The following DLC1 variants were observed in gnomAD, a reference collection of about 807,000 sequenced individuals.
DLC1 encodes the protein DLC1 Rho GTPase activating protein, also known as rho GTPase-activating protein 7.
DLC1 carries 54 observed loss-of-function variants against 140.3 expected under a neutral mutation model. That is an observed-to-expected ratio of 0.38 (90% CI 0.31 to 0.48). DLC1 has a LOEUF of 0.48. Ranked by LOEUF, DLC1 falls within the 20% of genes least tolerant of loss-of-function variation. DLC1 has a pLI of 0.96. For synonymous variants in DLC1, 986 were observed against 728.1 expected (o/e 1.35, Z -5.70); for missense variants, 2,536 against 1,907.0 (o/e 1.33, Z -6.14).
chr8:13,472,613 C>T (rs977643043), intron 2 of DLC1, among the ~76,000 whole-genome samples: 2 of 152,150 alleles, frequency 1.3e-5, no homozygotes, highest in Non-Finnish European at 2.9e-5. Flanking sequence ...GTTCATGTTT[C>T]ATTGGGAAGA....
intron 5 of DLC1, among the ~76,000 whole-genome samples, chr8:13,248,934 A>G (rs952941334): frequency 1.3e-5 from 2 of 152,092 alleles, no homozygotes. Flanking sequence ...ATCATTACCA[A>G]TTGGAACTCC....
chr8:13,193,058 C>A lies in DLC1; in HGVS notation c.1349-77401G>T, dbSNP rs372191160. ...GTCTGTTCCCTTGTCCCAAACCATC[C>A]CCCTCCTCTCTGTTCCTATCCAATC... is the stretch of plus-strand genomic sequence containing the variant. On this transcript the variant is annotated intron_variant, in intron 5 of 17. Transcript: ENST00000276297. 2.2e-4 allele frequency among the ~76,000 whole-genome samples: 34 copies of A among 152,240 alleles called. 1 individual carries two copies. In the East Asian group the frequency reaches 4.6e-3, roughly 21 times the overall value.
chr8:13,405,824 T>G (rs1164697122), intron 2 of DLC1, among the ~76,000 whole-genome samples: 1 of 151,180 alleles, frequency 6.6e-6, no homozygotes, highest in Admixed American at 6.6e-5. Context: ...TTCCTTCCTT[T>G]CTTCCTTCCC....
At chr8:13,176,847 C>T (rs994473880) in intron 5 of DLC1, among the ~76,000 whole-genome samples, 1 of 151,986 alleles carries the variant, frequency 6.6e-6, no homozygotes, top group Non-Finnish European at 1.5e-5. Flanking sequence ...TACATGTGAA[C>T]AAATGAGATA....
chr8:13,104,250 C>T (rs1819359705), intron 7 of DLC1, among the ~76,000 whole-genome samples: 1 of 151,468 alleles, frequency 6.6e-6, no homozygotes, highest in African/African-American at 2.4e-5. Context: ...TTGCAACAGC[C>T]ATCCTATTGT....
intron 2 of DLC1, among the ~76,000 whole-genome samples, chr8:13,470,547 A>C (rs1245100583): frequency 3.3e-5 from 5 of 152,212 alleles, no homozygotes; most frequent in African/African-American, 1.2e-4. Flanking sequence ...AAGGAAATAC[A>C]AATTAAAAGC....
chr8:13,294,645 A>G (rs1831879073), intron 5 of DLC1, among the ~76,000 whole-genome samples: 1 of 152,174 alleles, frequency 6.6e-6, no homozygotes, highest in Non-Finnish European at 1.5e-5. Context: ...GCGTGCTAGA[A>G]GAGGATGGAA....
chr8:13,593,740 A>T (rs1805596662), intron 1 of DLC1, among the ~76,000 whole-genome samples: 1 of 152,152 alleles, frequency 6.6e-6, no homozygotes, highest in Non-Finnish European at 1.5e-5. Context: ...GAGGAAAGAC[A>T]TATGGTTATT....
chr8:13,313,054 G>C (rs1832743864), intron 4 of DLC1, among the ~76,000 whole-genome samples: 1 of 152,112 alleles, frequency 6.6e-6, no homozygotes, highest in South Asian at 2.1e-4. Flanking sequence ...GTAGCTTTTT[G>C]CTGGTGTGAA....
intron 6 of DLC1, among the ~76,000 whole-genome samples, chr8:13,113,048 T>C (rs1820247851): frequency 1.3e-5 from 2 of 152,366 alleles, no homozygotes; most frequent in South Asian, 4.1e-4. Flanking sequence ...TAGATTCCTT[T>C]TCTAATCCAA....
intron 5 of DLC1, among the ~76,000 whole-genome samples, chr8:13,135,243 C>T (rs956340987): frequency 1.4e-5 from 2 of 145,124 alleles, no homozygotes. Context: ...CTCGCTGTGT[C>T]GCCCAGGCTG....
chr8:13,577,086 C>T (rs868816122), intron 1 of DLC1, among the ~76,000 whole-genome samples: 1 of 152,080 alleles, frequency 6.6e-6, no homozygotes, highest in Non-Finnish European at 1.5e-5. Flanking sequence ...TTGTGGTAAT[C>T]CACCATGGGG....
At chr8:13,492,056 C>T (rs1801271874) in intron 2 of DLC1, among the ~76,000 whole-genome samples, 2 of 152,222 alleles carry the variant, frequency 1.3e-5, no homozygotes, top group East Asian at 3.9e-4. Flanking sequence ...GGAATATATA[C>T]ATCATGTCAG....
intron 4 of DLC1, among the ~76,000 whole-genome samples, chr8:13,383,227 A>G (rs552409107): frequency 1.3e-5 from 2 of 152,170 alleles, no homozygotes; most frequent in Admixed American, 1.3e-4. Context: ...ACCTTCAAAT[A>G]TGTGCCCTGT....
intron 7 of DLC1, among the ~76,000 whole-genome samples, chr8:13,103,122 A>G (rs1819240693): frequency 6.6e-6 from 1 of 151,730 alleles, no homozygotes; most frequent in Non-Finnish European, 1.5e-5. Flanking sequence ...CATCCTGGCT[A>G]ACACGGTGAA....
At chr8:13,199,250 T>C (rs1342031284) in intron 5 of DLC1, among the ~76,000 whole-genome samples, 1 of 140,408 alleles carries the variant, frequency 7.1e-6, no homozygotes, top group African/African-American at 2.6e-5. Flanking sequence ...AGTGGTGCAA[T>C]CATAGCTCAC....
chr8:13,143,842 G>GAGAGAGAGAGAGAGAGAGAGAGAGAC (rs1186637665), intron 5 of DLC1, among the ~76,000 whole-genome samples: 1 of 146,154 alleles, frequency 6.8e-6, no homozygotes, highest in African/African-American at 2.6e-5. Context: ...GAGAGAGAGA[G>GAGAGAGAGAGAGAGAGAGAGAGAGAC]AGAGAGAGAG....
chr8:13,100,538 G>A lies in DLC1; in HGVS notation c.1799C>T (p.Thr600Ile). The change falls in exon 9 of 18, where the codon ACT becomes ATT. Residue 600 changes from threonine (T) to isoleucine (I), a missense_variant. Coordinates refer to ENST00000276297, the MANE Select transcript of DLC1 (RefSeq NM_182643.3). Reference sequence around the variant, plus strand: ...GGGCGCGTGGCTGGGGAGGCTGCCAGTGCTGCTGAGGCTGCGGACGGAAGA... The same window carrying A: ...GGGCGCGTGGCTGGGGAGGCTGCCAATGCTGCTGAGGCTGCGGACGGAAGA... ...EVSSVRSLSS[T>I]GSLPSHAPPS... 1 of 1,613,064 alleles carries A rather than the reference G, an allele frequency of 6.2e-7. No homozygotes were observed. Among genetic ancestry groups the A allele is most frequent in the Non-Finnish European group, 8.5e-7 (1 of 1,179,880 alleles).
In DLC1 at chr8:13,561,001, A is replaced by G. The variant is rs1055988855; in HGVS notation, c.-126+43536T>C. Among the ~76,000 whole-genome samples the G allele has an allele frequency of 2.0e-5, 3 of 152,194 alleles. No homozygotes were observed. In the South Asian group the frequency reaches 6.2e-4, roughly 32 times the overall value. ...TTTTTAATTAAAAAAATTGTTGGTTAAAATGGGGACATTTGGAATGTCTAG... is the reference window on the plus strand; with the variant it reads ...TTTTTAATTAAAAAAATTGTTGGTTGAAATGGGGACATTTGGAATGTCTAG... On this transcript the variant is annotated intron_variant, in intron 1 of 1. Coordinates refer to the DLC1 transcript ENST00000631382.
Sources: allele counts gnomAD v4.1 joint callset (sites outside exome capture counted in the v4.1 genomes callset), GRCh38; gene constraint gnomAD v4.1.1; transcripts MANE v1.5; gene names NCBI Gene and HGNC (gene_info 2026-07-23, HGNC 2026-07-21).